MLLT3: variants seen among roughly 807,000 people sequenced by gnomAD.
MLLT3 encodes the protein MLLT3 super elongation complex subunit.
In MLLT3, 4 loss-of-function variants were observed where a neutral mutation model predicts 53.2. That is an observed-to-expected ratio of 0.08 (90% CI 0.04 to 0.17). The LOEUF (loss-of-function observed/expected upper bound fraction) is 0.17. MLLT3 is among the 10% of genes least tolerant of loss of function. MLLT3 has a pLI of 1.00. For missense variants in MLLT3, 569 were observed against 684.0 expected (o/e 0.83, Z 1.87); for synonymous variants, 283 against 230.6 (o/e 1.23, Z -2.06).
intron 4 of MLLT3, among the ~76,000 whole-genome samples, chr9:20,417,481 T>C (rs1822900628): frequency 6.6e-6 from 1 of 151,466 alleles, no homozygotes; most frequent in Admixed American, 6.6e-5. Context: ...TAAGTACCAC[T>C]GAGCAGCACA....
intron 2 of MLLT3, among the ~76,000 whole-genome samples, chr9:20,493,355 C>G (rs1387250799): frequency 6.6e-6 from 1 of 151,984 alleles, no homozygotes; most frequent in Non-Finnish European, 1.5e-5. Context: ...CCAGGTTAAT[C>G]TGACCTATCC....
chr9:20,455,559 A>G (rs1033043692), intron 3 of MLLT3, among the ~76,000 whole-genome samples: 1 of 152,214 alleles, frequency 6.6e-6, no homozygotes, highest in African/African-American at 2.4e-5. Context: ...GGGTAATGCT[A>G]ATGCTATCCA....
intron 2 of MLLT3, among the ~76,000 whole-genome samples, chr9:20,462,043 C>T (rs545027039): frequency 6.6e-6 from 1 of 152,322 alleles, no homozygotes; most frequent in South Asian, 2.1e-4. Flanking sequence ...TTCAGCCCAT[C>T]TCTCCGCACC....
At chr9:20,422,059 C>T (rs1407104911) in intron 4 of MLLT3, among the ~76,000 whole-genome samples, 4 of 152,090 alleles carry the variant, frequency 2.6e-5, no homozygotes, top group Non-Finnish European at 5.9e-5. Flanking sequence ...AACAGAGCCA[C>T]TGAGACCCAA....
intron 2 of MLLT3, among the ~76,000 whole-genome samples, chr9:20,597,097 G>A (rs1245848306): frequency 1.3e-5 from 2 of 151,790 alleles, no homozygotes; most frequent in Non-Finnish European, 2.9e-5. Flanking sequence ...ATTGTTCATT[G>A]CAAGTACGTA....
chr9:20,372,066 C>G (rs1282402379), intron 5 of MLLT3, among the ~76,000 whole-genome samples: 1 of 152,094 alleles, frequency 6.6e-6, no homozygotes, highest in Non-Finnish European at 1.5e-5. Flanking sequence ...AGCAAGATAA[C>G]TAGAATTAGA....
intron 2 of MLLT3, among the ~76,000 whole-genome samples, chr9:20,534,571 C>G (rs1189193233): frequency 6.6e-6 from 1 of 152,168 alleles, no homozygotes; most frequent in African/African-American, 2.4e-5. Flanking sequence ...AATAAGCACA[C>G]TAAACACATA....
chr9:20,543,731 AAGG>A (rs1028511111), intron 2 of MLLT3, among the ~76,000 whole-genome samples: 15 of 148,532 alleles, frequency 1.0e-4, no homozygotes, highest in South Asian at 2.1e-4. Flanking sequence ...AGGAAGGAGG[AAGG>A]AGGAGGAGGA....
At position 20,417,571 on chromosome 9, in the gene MLLT3, A is replaced by G. The variant is rs140243348; in HGVS notation, c.421-3146T>C. 6.9e-3 allele frequency among the ~76,000 whole-genome samples: 1,052 copies of G among 152,046 alleles called. 8 individuals carry two copies. Among genetic ancestry groups the G allele is most frequent in the Middle Eastern group, 0.024 (7 of 292 alleles). ...CCTGAGGCTGATTAGGACAAACTGAATATCAAGCAATCTAACACAGAGAGC... is the reference window on the plus strand; with the variant it reads ...CCTGAGGCTGATTAGGACAAACTGAGTATCAAGCAATCTAACACAGAGAGC... On this transcript the variant is annotated intron_variant, in intron 4 of 10. Transcript: ENST00000380338.
chr9:20,505,015 C>T (rs1430286641), intron 2 of MLLT3, among the ~76,000 whole-genome samples: 4 of 152,004 alleles, frequency 2.6e-5, no homozygotes, highest in African/African-American at 9.7e-5. Flanking sequence ...AAGAAGGGCT[C>T]ACCATAAGTC....
intron 10 of MLLT3, among the ~76,000 whole-genome samples, chr9:20,352,654 T>C (rs918562293): frequency 6.8e-6 from 1 of 146,854 alleles, no homozygotes; most frequent in African/African-American, 2.5e-5. Context: ...TATATATTTA[T>C]AGATGTAAGC....
chr9:20,554,292 C>A (rs564527086), intron 2 of MLLT3, among the ~76,000 whole-genome samples: 35 of 152,220 alleles, frequency 2.3e-4, no homozygotes, highest in African/African-American at 8.4e-4. Context: ...TTTTTAAAGA[C>A]CTCTGTTCTC....
At chr9:20,386,796 GAT>G (rs147493495) in intron 5 of MLLT3, among the ~76,000 whole-genome samples, 4,046 of 152,120 alleles carry the variant, frequency 0.027, 143 homozygotes, top group African/African-American at 0.087. Context: ...CTATTTTCTG[GAT>G]ATATATATAA....
At chr9:20,544,858 G>C (rs985634904) in intron 2 of MLLT3, among the ~76,000 whole-genome samples, 1 of 152,170 alleles carries the variant, frequency 6.6e-6, no homozygotes, top group South Asian at 2.1e-4. Flanking sequence ...GCCAAGGTTT[G>C]AGGACAGCTT....
chr9:20,577,074 T>C (rs1213904205), intron 2 of MLLT3, among the ~76,000 whole-genome samples: 2 of 152,320 alleles, frequency 1.3e-5, no homozygotes, highest in East Asian at 1.9e-4. Context: ...GTCCAATGTC[T>C]ATTATCTTGA....
chr9:20,600,928 T>C (rs557976950), intron 2 of MLLT3, among the ~76,000 whole-genome samples: 1 of 152,316 alleles, frequency 6.6e-6, no homozygotes, highest in African/African-American at 2.4e-5. Flanking sequence ...AACGGCACCT[T>C]CAATGGTAAA....
Position 20,378,422 on chromosome 9 carries a change from G to A in MLLT3, c.1126-12678C>T, listed in dbSNP as rs866369982. 7.2e-4 allele frequency among the ~76,000 whole-genome samples: 110 copies of A among 152,060 alleles called. 1 individual carries two copies. Among genetic ancestry groups the A allele is most frequent in the African/African-American group, 2.4e-3 (101 of 41,536 alleles). On this transcript the variant is annotated intron_variant, in intron 5 of 10. Transcript: ENST00000380338. ...GCATCCAGATTTTTGTCATTTTACA[G>A]TATTTTATAACAATCAAACTCAGAG... is the stretch of plus-strand genomic sequence containing the variant.
At chr9:20,425,868 C>T (rs1428237806) in intron 4 of MLLT3, among the ~76,000 whole-genome samples, 1 of 151,786 alleles carries the variant, frequency 6.6e-6, no homozygotes, top group Non-Finnish European at 1.5e-5. Flanking sequence ...AAGGTAAACC[C>T]AATAAATATT....
intron 5 of MLLT3, among the ~76,000 whole-genome samples, chr9:20,393,376 T>C (rs1251691974): frequency 6.6e-6 from 1 of 152,192 alleles, no homozygotes; most frequent in Non-Finnish European, 1.5e-5. Context: ...AATCTGAGGA[T>C]TTGTCAGGAC....
Sources: gnomAD v4.1 joint callset for allele counts (sites outside exome capture counted in the v4.1 genomes callset) on GRCh38, gnomAD v4.1.1 for gene constraint, MANE v1.5 for transcripts, NCBI Gene and HGNC (gene_info 2026-07-23, HGNC 2026-07-21) for gene names.